The following CCDC192 variants were observed in gnomAD, a reference collection of about 807,000 sequenced individuals.
The protein encoded by CCDC192 is coiled-coil domain containing 192, also known as coiled-coil domain-containing protein 192.
chr5:127,775,455 C>T (rs1342302002), intron 3 of CCDC192, among the ~76,000 whole-genome samples: 1 of 152,204 alleles, frequency 6.6e-6, no homozygotes, highest in Non-Finnish European at 1.5e-5. Flanking sequence ...CCCCTTGCTC[C>T]CTCTGCCTCC....
intron 3 of CCDC192, among the ~76,000 whole-genome samples, chr5:127,763,372 G>A (rs1039293984): frequency 2.6e-5 from 4 of 152,050 alleles, no homozygotes; most frequent in African/African-American, 7.2e-5. Context: ...GAGTACTACA[G>A]GTGATGACTC....
At chr5:127,792,206 A>C (rs1010377911) in intron 3 of CCDC192, among the ~76,000 whole-genome samples, 5 of 152,184 alleles carry the variant, frequency 3.3e-5, no homozygotes, top group Non-Finnish European at 7.4e-5. Context: ...TTTATAAAGG[A>C]AAGAGGTTTC....
rs183464670 is a variant in CCDC192, at chr5:127,782,225, T to A, written c.223-14878T>A. 7.2e-5 allele frequency among the ~76,000 whole-genome samples: 11 copies of A among 152,342 alleles called. No individual in the cohort carries two copies. The East Asian group carries it at 2.1e-3, about 29-fold the overall frequency. ...GTGTTGGATTTGGTTAACTAGTATT[T>A]TGTTAAGGATTTTAGCATCTATGTT... On this transcript the variant is annotated intron_variant, in intron 3 of 6. Transcript: ENST00000514853.
At chr5:127,729,260 CAAAG>C (rs1034864933) in intron 2 of CCDC192, among the ~76,000 whole-genome samples, 68 of 152,252 alleles carry the variant, frequency 4.5e-4, no homozygotes, top group Admixed American at 2.1e-3. Flanking sequence ...TCAAAAAAGA[CAAAG>C]AAGGGCATTA....
intron 6 of CCDC192, among the ~76,000 whole-genome samples, chr5:127,929,763 A>G (rs938239769): frequency 6.6e-5 from 10 of 152,194 alleles, no homozygotes; most frequent in African/African-American, 2.4e-4. Context: ...AGAAACTGTC[A>G]TATCTTTTTA....
intron 5 of CCDC192, among the ~76,000 whole-genome samples, chr5:127,864,544 A>G (rs1370422063): frequency 1.3e-5 from 2 of 152,224 alleles, no homozygotes; most frequent in Non-Finnish European, 2.9e-5. Flanking sequence ...TGGTGAGTAA[A>G]TTAACAAGAT....
At chr5:127,913,125 C>A (rs1031209121) in intron 6 of CCDC192, among the ~76,000 whole-genome samples, 20 of 152,226 alleles carry the variant, frequency 1.3e-4, no homozygotes, top group African/African-American at 4.6e-4. Flanking sequence ...AACTTAAGTC[C>A]CAGCTCCATA....
intron 5 of CCDC192, among the ~76,000 whole-genome samples, chr5:127,869,464 G>A (rs1751755613): frequency 6.6e-6 from 1 of 152,180 alleles, no homozygotes; most frequent in African/African-American, 2.4e-5. Context: ...TGCAGGGGAG[G>A]GAACAGTGCC....
chr5:127,753,067 C>T (rs1053591440), intron 2 of CCDC192, among the ~76,000 whole-genome samples: 5 of 152,132 alleles, frequency 3.3e-5, no homozygotes, highest in East Asian at 1.9e-4. Flanking sequence ...AGAAATCACC[C>T]GTCTTCTGCG....
intron 6 of CCDC192, among the ~76,000 whole-genome samples, chr5:127,897,160 CAT>C (rs1181723688): frequency 1.3e-5 from 2 of 151,788 alleles, no homozygotes; most frequent in Non-Finnish European, 2.9e-5. Context: ...AGTCTCCTCA[CAT>C]ATGACTATTA....
At chr5:127,753,420 A>T (rs547978406) in intron 2 of CCDC192, among the ~76,000 whole-genome samples, 1 of 152,164 alleles carries the variant, frequency 6.6e-6, no homozygotes, top group Admixed American at 6.5e-5. Flanking sequence ...TTTTGAGTCC[A>T]GGCGCAGTGG....
At chr5:127,916,916 G>C (rs565634189) in intron 6 of CCDC192, among the ~76,000 whole-genome samples, 2 of 152,276 alleles carry the variant, frequency 1.3e-5, no homozygotes, top group African/African-American at 4.8e-5. Flanking sequence ...CCTGCCCTTT[G>C]AAGCCAGGCA....
chr5:127,881,105 A>G (rs974753093), intron 6 of CCDC192, among the ~76,000 whole-genome samples: 3 of 152,246 alleles, frequency 2.0e-5, no homozygotes, highest in African/African-American at 7.2e-5. Context: ...TGATCTAAGA[A>G]ATAAATCTCC....
intron 6 of CCDC192, among the ~76,000 whole-genome samples, chr5:127,930,782 G>A (rs545121496): frequency 6.6e-6 from 1 of 152,198 alleles, no homozygotes; most frequent in Non-Finnish European, 1.5e-5. Flanking sequence ...AGCACTTTGT[G>A]CTACTGGAGA....
chr5:127,937,762 G>A (rs558506948), intron 6 of CCDC192, among the ~76,000 whole-genome samples: 10 of 152,166 alleles, frequency 6.6e-5, no homozygotes, highest in Admixed American at 2.6e-4. Flanking sequence ...ATGCCGCTTC[G>A]CCGCATTTTT....
At chr5:127,914,939 A>G (rs562190933) in intron 6 of CCDC192, among the ~76,000 whole-genome samples, 12 of 152,296 alleles carry the variant, frequency 7.9e-5, no homozygotes, top group African/African-American at 2.9e-4. Context: ...CTGACTATTA[A>G]TATCATAATT....
At chr5:127,881,265 T>A (rs1271039108) in intron 6 of CCDC192, among the ~76,000 whole-genome samples, 1 of 152,220 alleles carries the variant, frequency 6.6e-6, no homozygotes, top group Non-Finnish European at 1.5e-5. Flanking sequence ...AACAATTATA[T>A]GGCAAGAAGG....
At chr5:127,772,459 T>A (rs1755612843) in intron 3 of CCDC192, among the ~76,000 whole-genome samples, 1 of 141,136 alleles carries the variant, frequency 7.1e-6, no homozygotes, top group Admixed American at 7.3e-5. Context: ...AGAGTGAGAC[T>A]CTGTCACAAA....
Position 127,875,519 on chromosome 5 carries a change from T to G in CCDC192, c.412-19T>G, listed in dbSNP as rs969857287. 2 of 301,320 alleles carry G rather than the reference T, an allele frequency of 6.6e-6. No individual in the cohort carries two copies. Among genetic ancestry groups the G allele is most frequent in the Non-Finnish European group, 5.4e-6 (1 of 184,976 alleles). 18.7% of individuals were successfully genotyped at this position (301,320 alleles called of 1,614,324 possible). A position where few individuals can be genotyped will look rare whatever the true frequency, so the allele number is the denominator to read the frequency against. ...GTCTGTCCCTAGTGATGGAAACTCTTATTTTTTTTTTTTTTAAGAAACTAA... is the reference window on the plus strand; with the variant it reads ...GTCTGTCCCTAGTGATGGAAACTCTGATTTTTTTTTTTTTTAAGAAACTAA... On this transcript the variant is annotated intron_variant, in intron 5 of 6. Coordinates refer to ENST00000514853, the MANE Select transcript of CCDC192 (RefSeq NM_001317938.2).
Sources: allele counts gnomAD v4.1 joint callset (sites outside exome capture counted in the v4.1 genomes callset), GRCh38; gene constraint gnomAD v4.1.1; transcripts MANE v1.5; gene names NCBI Gene and HGNC (gene_info 2026-07-23, HGNC 2026-07-21).